SNTG2: variants seen among roughly 807,000 people sequenced by gnomAD.
SNTG2 encodes the protein gamma-2-syntrophin.
SNTG2 carries 74 observed loss-of-function variants against 70.9 expected under a neutral mutation model. The observed-to-expected ratio is 1.04, with a 90% CI of 0.86 to 1.27. SNTG2 has a LOEUF of 1.27. SNTG2 is among the 50% of genes most tolerant of loss of function. SNTG2 has a pLI of 0.00. For synonymous variants in SNTG2, 278 were observed against 273.8 expected (o/e 1.02, Z -0.15); for missense variants, 717 against 690.7 (o/e 1.04, Z -0.43).
At chr2:1,314,892 A>C (rs1681199257) in intron 15 of SNTG2, among the ~76,000 whole-genome samples, 2 of 152,196 alleles carry the variant, frequency 1.3e-5, no homozygotes, top group Non-Finnish European at 2.9e-5. Context: ...TGTGAGACTT[A>C]GTCACTGTCA....
intron 1 of SNTG2, among the ~76,000 whole-genome samples, chr2:1,052,081 A>G (rs750312365): frequency 4.6e-5 from 7 of 152,028 alleles, no homozygotes; most frequent in African/African-American, 1.7e-4. Context: ...GGGGTAATTG[A>G]TAAGTAATTT....
chr2:1,028,757 A>C (rs62104291), intron 1 of SNTG2, among the ~76,000 whole-genome samples: 1 of 146,694 alleles, frequency 6.8e-6, no homozygotes, highest in Admixed American at 6.8e-5. Flanking sequence ...TTTTTTTTAA[A>C]TGCTAATCAC....
At chr2:1,328,300 C>CG (rs1327670452) in intron 16 of SNTG2, among the ~76,000 whole-genome samples, 15 of 152,084 alleles carry the variant, frequency 9.9e-5, no homozygotes, top group African/African-American at 3.6e-4. Flanking sequence ...TGGATAGACA[C>CG]GTACATGCAT....
At chr2:1,185,031 A>T (rs1307212423) in intron 8 of SNTG2, among the ~76,000 whole-genome samples, 2 of 152,260 alleles carry the variant, frequency 1.3e-5, no homozygotes, top group Non-Finnish European at 2.9e-5. Context: ...GTATACAGGC[A>T]TTGGGTAAAT....
At chr2:1,329,937 G>T (rs1279528263) in intron 16 of SNTG2, among the ~76,000 whole-genome samples, 2 of 152,188 alleles carry the variant, frequency 1.3e-5, no homozygotes, top group Non-Finnish European at 2.9e-5. Flanking sequence ...GCTTCCAAGA[G>T]GTGGGAAAAT....
chr2:1,241,215 C>T (rs1677024088), intron 11 of SNTG2, among the ~76,000 whole-genome samples: 1 of 152,204 alleles, frequency 6.6e-6, no homozygotes, highest in Non-Finnish European at 1.5e-5. Context: ...GTGTTGGCTG[C>T]TTCTTCCCTG....
chr2:1,180,781 T>C (rs1011401569), intron 8 of SNTG2, among the ~76,000 whole-genome samples: 14 of 151,746 alleles, frequency 9.2e-5, no homozygotes, highest in African/African-American at 2.9e-4. Flanking sequence ...ATGTTTATTG[T>C]GGCACTATTC....
At chr2:1,045,131 G>A (rs1661659571) in intron 1 of SNTG2, among the ~76,000 whole-genome samples, 1 of 151,922 alleles carries the variant, frequency 6.6e-6, no homozygotes, top group African/African-American at 2.4e-5. Flanking sequence ...TAGATTGCAA[G>A]TTTCCAGGAA....
chr2:1,265,145 A>C (rs769253682), intron 13 of SNTG2, among the ~76,000 whole-genome samples: 12 of 152,208 alleles, frequency 7.9e-5, no homozygotes, highest in Non-Finnish European at 1.6e-4. Flanking sequence ...TTGACATTTA[A>C]GTTCAGTGGA....
At position 1,106,320 on chromosome 2, in the gene SNTG2, TTGA is replaced by T. The variant is rs534820048; in HGVS notation, c.325+7912_325+7914del. On this transcript the variant is annotated intron_variant, in intron 4 of 16. Coordinates refer to ENST00000308624, the MANE Select transcript of SNTG2 (RefSeq NM_018968.4). The stretch of plus-strand genomic sequence containing the variant: ...TCGGGTGCAGGGTATGGAGAGCTCC[TTGA>T]TAATAATGGACACGTGCTGTCACTC... 5.0e-4 allele frequency among the ~76,000 whole-genome samples: 63 copies of T among 127,188 alleles called. 1 individual carries two copies. The highest frequency in any genetic ancestry group is 1.9e-3 in the African/African-American group (61 of 32,660). The allele number at this position is 127,188 out of a possible 152,430, so 83.4% of individuals were successfully genotyped here.
At chr2:1,083,409 C>G (rs1047290926) in intron 1 of SNTG2, 109 bp from the exon 2 acceptor site, 2 of 1,129,646 alleles carry the variant, frequency 1.8e-6, no homozygotes, top group Admixed American at 1.8e-5. Context: ...CACGCGAGCA[C>G]TACACGTGCA....
intron 1 of SNTG2, among the ~76,000 whole-genome samples, chr2:1,040,242 G>A (rs1166708060): frequency 6.6e-6 from 1 of 152,180 alleles, no homozygotes; most frequent in African/African-American, 2.4e-5. Context: ...AGTGACACCA[G>A]AGTCCCTGTG....
intron 16 of SNTG2, among the ~76,000 whole-genome samples, chr2:1,342,051 G>A (rs534035200): frequency 2.6e-5 from 4 of 152,130 alleles, no homozygotes; most frequent in South Asian, 4.2e-4. Context: ...TGTAGCCTGG[G>A]ACTTAGGTAA....
intron 6 of SNTG2, chr2:1,160,510 G>GT (rs1558472177): frequency 1.3e-5 from 2 of 152,190 alleles, no homozygotes; most frequent in Non-Finnish European, 2.9e-5. Flanking sequence ...CCGTCAACAG[G>GT]TCGAGTTTGC....
intron 1 of SNTG2, among the ~76,000 whole-genome samples, chr2:1,052,716 G>C (rs946417410): frequency 6.6e-6 from 1 of 152,126 alleles, no homozygotes; most frequent in Non-Finnish European, 1.5e-5. Context: ...CCATCCTTTC[G>C]TGGAAGCAGG....
chr2:1,180,013 T>TG (rs1671756162), intron 8 of SNTG2, among the ~76,000 whole-genome samples: 1 of 133,920 alleles, frequency 7.5e-6, no homozygotes, highest in African/African-American at 2.7e-5. Flanking sequence ...TGGCTAGCCA[T>TG]ATGTAGAAAG....
At chr2:1,165,354 G>T (rs570661665) in intron 6 of SNTG2, among the ~76,000 whole-genome samples, 194 bp from the exon 7 acceptor site, 2 of 152,112 alleles carry the variant, frequency 1.3e-5, no homozygotes, top group Admixed American at 6.5e-5. Context: ...GATAGAGTGT[G>T]GGGGGTAGGT....
Position 1,209,212 on chromosome 2 carries a change from C to A in SNTG2, c.701C>A (p.Ala234Asp). ...LSMARISRYK[A>D]GTEKLRWNAF... Reference sequence around the variant, plus strand: ...ATGGCTCGCATCTCAAGGTACAAAGCCGGAACGGAAAAATTAAGGTGTGTG... The same window carrying A: ...ATGGCTCGCATCTCAAGGTACAAAGACGGAACGGAAAAATTAAGGTGTGTG... The change falls in exon 9 of 17, where the codon GCC becomes GAC. Residue 234 changes from alanine to aspartate, a missense_variant. Transcript: ENST00000308624. 6.2e-7 allele frequency: 1 copy of A among 1,613,948 alleles called. No individual in the cohort carries two copies. Among genetic ancestry groups the A allele is most frequent in the Non-Finnish European group, 8.5e-7 (1 of 1,179,896 alleles).
chr2:978,195 TG>T (rs1451407026), intron 1 of SNTG2, among the ~76,000 whole-genome samples: 1 of 152,126 alleles, frequency 6.6e-6, no homozygotes, highest in Non-Finnish European at 1.5e-5. Context: ...CTTGCTGAGC[TG>T]GGAGATGCAG....
Sources: gnomAD v4.1 joint callset for allele counts (sites outside exome capture counted in the v4.1 genomes callset) on GRCh38, gnomAD v4.1.1 for gene constraint, MANE v1.5 for transcripts, NCBI Gene and HGNC (gene_info 2026-07-23, HGNC 2026-07-21) for gene names.